STAU2: variants seen among roughly 807,000 people sequenced by gnomAD.
STAU2 encodes the protein staufen double-stranded RNA binding protein 2.
In STAU2, 20 loss-of-function variants were observed where a neutral mutation model predicts 65.9. The observed-to-expected ratio is 0.30, with a 90% CI of 0.21 to 0.44. The LOEUF (loss-of-function observed/expected upper bound fraction) is 0.44. Ranked by LOEUF, STAU2 falls within the 20% of genes least tolerant of loss-of-function variation. The probability of loss-of-function intolerance (pLI) is 1.00; values close to 1 mark genes in which losing one functional copy is unlikely to be tolerated. For missense variants in STAU2, 558 were observed against 683.9 expected, an observed-to-expected ratio of 0.82 and a Z score of 2.05; for synonymous variants, 232 against 233.9, an observed-to-expected ratio of 0.99 and a Z score of 0.07.
At chr8:73,629,253 T>C (rs953743057) in intron 6 of STAU2, among the ~76,000 whole-genome samples, 1 of 152,230 alleles carries the variant, frequency 6.6e-6, no homozygotes, top group African/African-American at 2.4e-5. Flanking sequence ...AAAGCAAATA[T>C]TTTCATACTA....
intron 1 of STAU2, among the ~76,000 whole-genome samples, chr8:73,740,452 T>C (rs2130784466): frequency 6.6e-6 from 1 of 152,292 alleles, no homozygotes; most frequent in East Asian, 1.9e-4. Flanking sequence ...AAGTGGCAAA[T>C]TATAAAACTT....
At chr8:73,426,315 C>T (rs1399776753) in intron 13 of STAU2, among the ~76,000 whole-genome samples, 1 of 152,102 alleles carries the variant, frequency 6.6e-6, no homozygotes, top group Non-Finnish European at 1.5e-5. Context: ...TTGTTGGGTT[C>T]ATACAATATT....
At chr8:73,694,275 CAAGCAA>C (rs1299590607) in intron 4 of STAU2, among the ~76,000 whole-genome samples, 1 of 152,022 alleles carries the variant, frequency 6.6e-6, no homozygotes, top group Non-Finnish European at 1.5e-5. Flanking sequence ...ACTGATATAA[CAAGCAA>C]AAAAAATCAC....
intron 5 of STAU2, among the ~76,000 whole-genome samples, chr8:73,676,047 T>C (rs1196218358): frequency 6.6e-6 from 1 of 152,114 alleles, no homozygotes; most frequent in Admixed American, 6.6e-5. Context: ...AAATTGTATA[T>C]AAATCTGAAA....
At chr8:73,656,738 G>A (rs935566381) in intron 6 of STAU2, among the ~76,000 whole-genome samples, 7 of 152,134 alleles carry the variant, frequency 4.6e-5, no homozygotes, top group Admixed American at 6.5e-5. Flanking sequence ...GTAAACACCC[G>A]CTGTCAACCA....
chr8:73,667,836 T>C (rs182129455), intron 6 of STAU2, among the ~76,000 whole-genome samples: 35 of 152,304 alleles, frequency 2.3e-4, no homozygotes, highest in African/African-American at 7.9e-4. Flanking sequence ...ATGAGGAAAT[T>C]AATGGAGGTC....
chr8:73,434,798 T>C (rs1191775031), intron 13 of STAU2, among the ~76,000 whole-genome samples: 1 of 151,926 alleles, frequency 6.6e-6, no homozygotes, highest in African/African-American at 2.4e-5. Context: ...CTTTGTATTT[T>C]TGTTCATTCC....
Position 73,715,209 on chromosome 8 carries a change from G to A in STAU2, c.-17-6047C>T, listed in dbSNP as rs1336013834. ...ACACACAATTCACATAATTTCTTGA[G>A]TAAATATACCTGTTCAAAAGAATGT... On this transcript the variant is annotated intron_variant, in intron 3 of 14. Coordinates refer to ENST00000524300, the MANE Select transcript of STAU2 (RefSeq NM_001164380.2). 2.6e-5 allele frequency among the ~76,000 whole-genome samples: 4 copies of A among 151,888 alleles called. No homozygotes were observed. The East Asian group carries it at 7.7e-4, about 29-fold the overall frequency.
intron 13 of STAU2, among the ~76,000 whole-genome samples, chr8:73,512,643 G>A (rs1403045165): frequency 6.6e-6 from 1 of 151,730 alleles, no homozygotes; most frequent in Non-Finnish European, 1.5e-5. Context: ...CTAATAGGGT[G>A]TGTGTGTGTA....
chr8:73,491,886 G>A (rs13257083), intron 13 of STAU2, among the ~76,000 whole-genome samples: 88,586 of 151,786 alleles, frequency 0.58, 26,650 homozygotes, highest in East Asian at 0.89. Flanking sequence ...AGAAATAAAT[G>A]AGAAGTAGTC....
intron 3 of STAU2, among the ~76,000 whole-genome samples, chr8:73,710,984 T>C (rs925239743): frequency 6.6e-6 from 1 of 151,670 alleles, no homozygotes; most frequent in Non-Finnish European, 1.5e-5. Context: ...GGCTTGATTG[T>C]GATAATTATG....
intron 13 of STAU2, among the ~76,000 whole-genome samples, chr8:73,470,346 A>G (rs1012305750): frequency 3.9e-5 from 6 of 152,194 alleles, no homozygotes; most frequent in African/African-American, 1.4e-4. Context: ...TTTAAGGCAG[A>G]AGAGAATTAG....
chr8:73,547,546 T>C (rs1047285231), intron 13 of STAU2, among the ~76,000 whole-genome samples: 2 of 152,188 alleles, frequency 1.3e-5, no homozygotes, highest in Non-Finnish European at 2.9e-5. Flanking sequence ...ACCTGAGTGT[T>C]AATGTCACTA....
chr8:73,609,351 G>A (rs1451976644), intron 9 of STAU2, among the ~76,000 whole-genome samples: 2 of 149,538 alleles, frequency 1.3e-5, no homozygotes, highest in Non-Finnish European at 3.0e-5. Flanking sequence ...CTTATATCCT[G>A]AAAAAAAAAA....
At chr8:73,657,804 A>C (rs1348979402) in intron 6 of STAU2, among the ~76,000 whole-genome samples, 2 of 152,108 alleles carry the variant, frequency 1.3e-5, no homozygotes, top group Non-Finnish European at 1.5e-5. Context: ...ACCTGAGGTC[A>C]GGAGTTCAAA....
At chr8:73,526,530 A>C (rs1805470198) in intron 13 of STAU2, among the ~76,000 whole-genome samples, 1 of 152,204 alleles carries the variant, frequency 6.6e-6, no homozygotes, top group South Asian at 2.1e-4. Context: ...GTGAGATAGA[A>C]GAAAAGAAGA....
At chr8:73,635,732 G>A (rs2130071334) in intron 6 of STAU2, among the ~76,000 whole-genome samples, 1 of 152,116 alleles carries the variant, frequency 6.6e-6, no homozygotes, top group South Asian at 2.1e-4. Flanking sequence ...GGCTGAGGCA[G>A]AAGAATTGCT....
chr8:73,495,300 T>C (rs1209872231), intron 13 of STAU2, among the ~76,000 whole-genome samples: 1 of 151,522 alleles, frequency 6.6e-6, no homozygotes. Flanking sequence ...TGCATTTTCC[T>C]CTCAGGTATA....
intron 12 of STAU2, among the ~76,000 whole-genome samples, chr8:73,563,292 C>A (rs1563424374): frequency 6.6e-6 from 1 of 152,124 alleles, no homozygotes; most frequent in Non-Finnish European, 1.5e-5. Context: ...CACTAAACTT[C>A]TACCCCCACC....
Sources: allele counts gnomAD v4.1 joint callset (sites outside exome capture counted in the v4.1 genomes callset), GRCh38; gene constraint gnomAD v4.1.1; transcripts MANE v1.5; gene names NCBI Gene and HGNC (gene_info 2026-07-23, HGNC 2026-07-21).